BCL11A: variants seen among roughly 807,000 people sequenced by gnomAD.
BCL11A encodes B cell CLL/lymphoma 11A.
BCL11A carries 2 observed loss-of-function variants against 55.9 expected under a neutral mutation model. The observed-to-expected ratio is 0.04, with a 90% confidence interval of 0.01 to 0.11. The LOEUF (loss-of-function observed/expected upper bound fraction) is 0.11, where lower values mean the gene tolerates loss of function less well. Ranked by LOEUF, BCL11A falls within the 10% of genes least tolerant of loss-of-function variation. The pLI is 1.00. For missense variants in BCL11A, 817 were observed against 1,137.1 expected, an observed-to-expected ratio of 0.72 and a Z score of 4.05; for synonymous variants, 465 against 473.4, an observed-to-expected ratio of 0.98 and a Z score of 0.23.
At chr2:60,548,784 A>G (rs1670264599) in intron 1 of BCL11A, among the ~76,000 whole-genome samples, 1 of 152,250 alleles carries the variant, frequency 6.6e-6, no homozygotes, top group African/African-American at 2.4e-5. Flanking sequence ...TTGCTGGTAT[A>G]TTATTAAAAA....
intron 2 of BCL11A, among the ~76,000 whole-genome samples, chr2:60,511,999 C>T (rs1301420911): frequency 4.6e-5 from 7 of 152,192 alleles, no homozygotes; most frequent in African/African-American, 1.7e-4. Flanking sequence ...TGGCGTAATA[C>T]TTGCTCGGCC....
chr2:60,452,389 A>T, downstream of BCL11A: 1 of 532,584 alleles, frequency 1.9e-6, no homozygotes, highest in Admixed American at 3.2e-5. Flanking sequence ...TTTACTTTTT[A>T]TTAAAAAATA....
intron 2 of BCL11A, among the ~76,000 whole-genome samples, chr2:60,494,212 G>A (rs7557939): frequency 0.63 from 96,063 of 151,990 alleles, 32,029 homozygotes; most frequent in African/African-American, 0.7. Flanking sequence ...CACAGGCTAA[G>A]CAAGAGTGAG....
chr2:60,548,920 T>C (rs182747749), intron 1 of BCL11A, among the ~76,000 whole-genome samples: 69 of 152,376 alleles, frequency 4.5e-4, no homozygotes, highest in Non-Finnish European at 7.1e-4. Flanking sequence ...ATAATTTCTC[T>C]GCATTTTAAT....
downstream of BCL11A, chr2:60,452,990 C>T (rs568594980): frequency 5.1e-6 from 1 of 197,724 alleles, no homozygotes; most frequent in South Asian, 1.4e-4. Flanking sequence ...ACTGAGAAAA[C>T]TTAGTAAGAA....
intron 2 of BCL11A, among the ~76,000 whole-genome samples, chr2:60,481,243 T>G (rs1194958572): frequency 6.6e-6 from 1 of 151,608 alleles, no homozygotes; most frequent in Non-Finnish European, 1.5e-5. Context: ...AGCACCCCAT[T>G]CCCAAACCTA....
chr2:60,461,778 T>C lies in BCL11A; in HGVS notation c.1134A>G (p.Ser378=). Residue 378 remains serine, a synonymous_variant, in exon 4 of 4, where the codon TCA becomes TCG. Transcript: ENST00000642384. ...PPSQPPVKSK[S]CEFCGKTFKF... Reference sequence around the variant, plus strand: ...TGAACGTCTTGCCGCAGAACTCGCATGACTTGGACTTGACCGGGGGCTGGG... The same window carrying C: ...TGAACGTCTTGCCGCAGAACTCGCACGACTTGGACTTGACCGGGGGCTGGG... 7.5e-6 allele frequency: 12 copies of C among 1,608,760 alleles called. No individual in the cohort carries two copies. The highest frequency in any genetic ancestry group is 1.1e-5 in the South Asian group (1 of 90,958).
At chr2:60,520,735 G>A (rs1209948119) in intron 2 of BCL11A, among the ~76,000 whole-genome samples, 2 of 115,422 alleles carry the variant, frequency 1.7e-5, no homozygotes, top group Non-Finnish European at 3.4e-5. Flanking sequence ...ACCCCATGTT[G>A]GTCGCCTACG....
chr2:60,496,692 T>A (rs1296818110), intron 2 of BCL11A: 1 of 152,686 alleles, frequency 6.5e-6, no homozygotes, highest in African/African-American at 2.4e-5. Context: ...ATTTATGGAA[T>A]GCAAGCCCTG....
intron 2 of BCL11A, among the ~76,000 whole-genome samples, chr2:60,523,945 C>A (rs1196245630): frequency 1.3e-5 from 2 of 152,146 alleles, no homozygotes; most frequent in Non-Finnish European, 2.9e-5. Context: ...TGGACTATCC[C>A]ATCTTAAACT....
Position 60,459,755 on chromosome 2 carries a change from C to A in BCL11A, c.*649G>T. The A allele has an allele frequency of 9.6e-7, 1 of 1,039,902 alleles. No individual in the cohort carries two copies. The highest frequency in any genetic ancestry group is 1.2e-6 in the Non-Finnish European group (1 of 863,030). The allele number at this position is 1,039,902 out of a possible 1,614,324, so 64.4% of individuals were successfully genotyped here. ...AATTTGTCAATTCAAGGCCTTTTTTCTTCCTTTCCAATTGATACATTTAAC... is the reference window on the plus strand; with the variant it reads ...AATTTGTCAATTCAAGGCCTTTTTTATTCCTTTCCAATTGATACATTTAAC... On this transcript the variant is annotated 3_prime_UTR_variant, in exon 4 of 4. Coordinates refer to ENST00000642384, the MANE Select transcript of BCL11A (RefSeq NM_022893.4).
In BCL11A at chr2:60,458,637, A is replaced by G. The variant is rs1282479639; in HGVS notation, c.*1767T>C. 7 of 1,032,786 alleles carry G rather than the reference A, an allele frequency of 6.8e-6. No individual in the cohort carries two copies. The highest frequency in any genetic ancestry group is 6.0e-5 in the East Asian group (1 of 16,610). 64.0% of individuals were successfully genotyped at this position (1,032,786 alleles called of 1,614,324 possible). Reference sequence around the variant, plus strand: ...TTTAGTTTTTAAAAAATGCTCCTCAATGAGATTGTGTTCAATTTTTTTTCA... The same window carrying G: ...TTTAGTTTTTAAAAAATGCTCCTCAGTGAGATTGTGTTCAATTTTTTTTCA... On this transcript the variant is annotated 3_prime_UTR_variant, in exon 4 of 4. Coordinates refer to ENST00000642384, the MANE Select transcript of BCL11A (RefSeq NM_022893.4).
intron 2 of BCL11A, among the ~76,000 whole-genome samples, chr2:60,521,268 C>T (rs969697366): frequency 2.0e-5 from 3 of 152,198 alleles, no homozygotes; most frequent in African/African-American, 7.2e-5. Flanking sequence ...CAGCTAAAAG[C>T]GCCACTCTCA....
chr2:60,468,008 ATGGTGG>A (rs1228744266), intron 3 of BCL11A, among the ~76,000 whole-genome samples: 2 of 11,024 alleles, frequency 1.8e-4, no homozygotes, highest in Non-Finnish European at 4.0e-4. Flanking sequence ...GGTGGTGGTG[ATGGTGG>A]TGGTGGTGGT....
intron 2 of BCL11A, among the ~76,000 whole-genome samples, chr2:60,487,512 T>C (rs113034808): frequency 1.0e-3 from 152 of 152,326 alleles, no homozygotes; most frequent in African/African-American, 3.5e-3. Flanking sequence ...TAATCAACAT[T>C]AGATATTTAA....
At chr2:60,521,349 A>T (rs1221185068) in intron 2 of BCL11A, among the ~76,000 whole-genome samples, 1 of 152,232 alleles carries the variant, frequency 6.6e-6, no homozygotes, top group East Asian at 1.9e-4. Flanking sequence ...TTGTAAAACC[A>T]GAGGGACCCG....
chr2:60,452,625 G>C, downstream of BCL11A: 1 of 1,613,932 alleles, frequency 6.2e-7, no homozygotes, highest in Non-Finnish European at 8.5e-7. Context: ...CACACATCTT[G>C]AGCTCTCTGG....
At chr2:60,454,171 C>G (rs953842504), downstream of BCL11A, among the ~76,000 whole-genome samples, 2 of 152,038 alleles carry the variant, frequency 1.3e-5, no homozygotes, top group African/African-American at 4.8e-5. Context: ...AAGTGCAGAC[C>G]GGACAACCCA....
downstream of BCL11A, among the ~76,000 whole-genome samples, chr2:60,453,945 A>G (rs1021058561): frequency 6.6e-6 from 1 of 152,118 alleles, no homozygotes; most frequent in South Asian, 2.1e-4. Flanking sequence ...TCTCAAGTAC[A>G]ATGACCCGTG....
Sources: allele counts gnomAD v4.1 joint callset (sites outside exome capture counted in the v4.1 genomes callset), GRCh38; gene constraint gnomAD v4.1.1; transcripts MANE v1.5; gene names NCBI Gene and HGNC (gene_info 2026-07-23, HGNC 2026-07-21).